Variants in SLC9A9 observed in about 807,000 individuals in gnomAD.
SLC9A9 encodes the protein solute carrier family 9 member A9.
A neutral mutation model predicts 77.8 loss-of-function variants in SLC9A9; 62 were observed. The observed-to-expected ratio is 0.80, with a 90% confidence interval of 0.65 to 0.98. The LOEUF (loss-of-function observed/expected upper bound fraction) is 0.98, where lower values mean the gene tolerates loss of function less well. SLC9A9 is among the 50% of genes least tolerant of loss of function. The pLI is 0.00. For synonymous variants in SLC9A9, 320 were observed against 283.5 expected, an observed-to-expected ratio of 1.13 and a Z score of -1.29; for missense variants, 775 against 774.9, an observed-to-expected ratio of 1.00 and a Z score of 0.00.
intron 9 of SLC9A9, among the ~76,000 whole-genome samples, chr3:143,515,221 A>C (rs1019868218): frequency 2.0e-5 from 3 of 152,234 alleles, no homozygotes; most frequent in Admixed American, 2.0e-4. Flanking sequence ...CATGGTTCAT[A>C]ATGCCCCTAA....
At chr3:143,361,648 G>A (rs897566799) in intron 14 of SLC9A9, among the ~76,000 whole-genome samples, 1 of 152,186 alleles carries the variant, frequency 6.6e-6, no homozygotes, top group Non-Finnish European at 1.5e-5. Context: ...TTTCTAGAAT[G>A]AATGTGCAGG....
chr3:143,806,703 G>T (rs564328250), intron 2 of SLC9A9, among the ~76,000 whole-genome samples: 225 of 150,522 alleles, frequency 1.5e-3, no homozygotes, highest in African/African-American at 5.3e-3. Flanking sequence ...TAGAATGATG[G>T]TTACCAGAGG....
intron 12 of SLC9A9, among the ~76,000 whole-genome samples, chr3:143,447,746 TA>T (rs796228591): frequency 2.6e-5 from 4 of 152,310 alleles, no homozygotes; most frequent in African/African-American, 9.6e-5. Flanking sequence ...GTTGTCTGTC[TA>T]AAGATGGCAG....
chr3:143,388,057 G>A (rs2033467892), intron 12 of SLC9A9, among the ~76,000 whole-genome samples: 1 of 152,096 alleles, frequency 6.6e-6, no homozygotes, highest in African/African-American at 2.4e-5. Context: ...GCTTTTGATG[G>A]CAAAGTGTAA....
At chr3:143,336,804 A>C (rs2883015) in intron 14 of SLC9A9, among the ~76,000 whole-genome samples, 80,649 of 152,034 alleles carry the variant, frequency 0.53, 22,893 homozygotes, top group African/African-American at 0.73. Flanking sequence ...AAAGTTCTAG[A>C]GATCGGTTTT....
intron 14 of SLC9A9, among the ~76,000 whole-genome samples, chr3:143,289,511 C>T (rs1398870727): frequency 2.0e-5 from 3 of 152,274 alleles, no homozygotes; most frequent in Admixed American, 6.5e-5. Flanking sequence ...GTTTCTCCCT[C>T]TCATGCCCCC....
At chr3:143,662,427 AT>A (rs2038992447) in intron 5 of SLC9A9, among the ~76,000 whole-genome samples, 1 of 152,186 alleles carries the variant, frequency 6.6e-6, no homozygotes, top group South Asian at 2.1e-4. Flanking sequence ...CAACTGAGGT[AT>A]TGGGTTCATC....
At chr3:143,564,704 A>G (rs543303824) in intron 8 of SLC9A9, among the ~76,000 whole-genome samples, 7 of 152,298 alleles carry the variant, frequency 4.6e-5, no homozygotes, top group South Asian at 4.1e-4. Flanking sequence ...TAGTTGGCAG[A>G]TTAATAATGC....
chr3:143,711,970 T>A (rs16854152), intron 4 of SLC9A9, among the ~76,000 whole-genome samples: 5,235 of 152,274 alleles, frequency 0.034, 291 homozygotes, highest in African/African-American at 0.12. Flanking sequence ...TCTGCTCTAT[T>A]CAATACCAGA....
intron 6 of SLC9A9, among the ~76,000 whole-genome samples, chr3:143,643,211 A>AG (rs1176344854): frequency 2.6e-5 from 4 of 152,190 alleles, no homozygotes; most frequent in Non-Finnish European, 5.9e-5. Flanking sequence ...AAATAGGAAG[A>AG]GGGGATACGG....
intron 14 of SLC9A9, among the ~76,000 whole-genome samples, chr3:143,269,638 CAAT>C (rs1185817076): frequency 6.6e-6 from 1 of 152,190 alleles, no homozygotes; most frequent in Non-Finnish European, 1.5e-5. Flanking sequence ...TCCAATCTAT[CAAT>C]AATGAAATCC....
intron 6 of SLC9A9, among the ~76,000 whole-genome samples, chr3:143,643,279 T>TTTCCTGTA (rs1052135663): frequency 2.6e-5 from 4 of 152,220 alleles, no homozygotes; most frequent in Non-Finnish European, 4.4e-5. Context: ...TTGGCTTACA[T>TTTCCTGTA]TTCCTGTATC....
chr3:143,686,895 C>T (rs958727958), intron 5 of SLC9A9, among the ~76,000 whole-genome samples: 1 of 127,582 alleles, frequency 7.8e-6, no homozygotes, highest in Non-Finnish European at 1.7e-5. Flanking sequence ...ATTCCCCATC[C>T]TCCTAGTCTC....
intron 5 of SLC9A9, among the ~76,000 whole-genome samples, chr3:143,691,770 T>C (rs1480442943): frequency 6.6e-6 from 1 of 152,124 alleles, no homozygotes; most frequent in Non-Finnish European, 1.5e-5. Context: ...AAACCCTCAC[T>C]AAAATAACCA....
intron 9 of SLC9A9, among the ~76,000 whole-genome samples, chr3:143,512,877 AAAAC>A (rs776570510): frequency 2.0e-4 from 31 of 152,246 alleles, no homozygotes; most frequent in Non-Finnish European, 3.1e-4. Context: ...TCTGTCTCAA[AAAAC>A]AAACAAACAA....
At chr3:143,693,056 C>G (rs1933523374) in intron 5 of SLC9A9, 136 bp downstream of exon 5, 1 of 679,524 alleles carries the variant, frequency 1.5e-6, no homozygotes, top group Non-Finnish European at 2.6e-6. Flanking sequence ...TTTGTAATTA[C>G]TAACAGATAT....
chr3:143,636,413 T>C (rs1202184656), intron 6 of SLC9A9, among the ~76,000 whole-genome samples: 2 of 152,212 alleles, frequency 1.3e-5, no homozygotes, highest in East Asian at 1.9e-4. Flanking sequence ...ATTTTCTAAG[T>C]AGACAATCAT....
intron 14 of SLC9A9, among the ~76,000 whole-genome samples, chr3:143,291,763 T>A (rs1281319330): frequency 1.3e-5 from 2 of 152,224 alleles, no homozygotes; most frequent in African/African-American, 4.8e-5. Context: ...GTGCCATTCC[T>A]TTTTCCAAAT....
intron 1 of SLC9A9, 36 bp downstream of exon 1, chr3:143,848,112 C>A: frequency 3.1e-6 from 5 of 1,591,524 alleles, no homozygotes; most frequent in Non-Finnish European, 4.3e-6. Flanking sequence ...GCTCAAGCAA[C>A]AAGTTTCACA....
Sources: gnomAD v4.1 joint callset for allele counts (sites outside exome capture counted in the v4.1 genomes callset) on GRCh38, gnomAD v4.1.1 for gene constraint, MANE v1.5 for transcripts, NCBI Gene and HGNC (gene_info 2026-07-23, HGNC 2026-07-21) for gene names.